The following DDX18 variants were observed in gnomAD, a reference collection of about 807,000 sequenced individuals.
DDX18 encodes the protein ATP-dependent RNA helicase DDX18.
Under a neutral mutation model 73.5 loss-of-function variants are expected in DDX18, and 23 were observed. The observed-to-expected ratio is 0.31, with a 90% CI of 0.23 to 0.44. The LOEUF (loss-of-function observed/expected upper bound fraction) is 0.44, where lower values mean the gene tolerates loss of function less well. DDX18 is among the 20% of genes least tolerant of loss of function. The pLI is 1.00. For synonymous variants in DDX18, 268 were observed against 282.7 expected (o/e 0.95, Z 0.52); for missense variants, 753 against 792.9 (o/e 0.95, Z 0.60).
Position 117,824,694 on chromosome 2 carries a change from G to A in DDX18, c.1192G>A (p.Asp398Asn), listed in dbSNP as rs146439004. The A allele has an allele frequency of 4.1e-6, 6 of 1,477,714 alleles. No individual in the cohort carries two copies. The African/African-American group carries it at 8.6e-5, about 21-fold the overall frequency. 91.5% of individuals were successfully genotyped at this position (1,477,714 alleles called of 1,614,324 possible). A position where few individuals can be genotyped will look rare whatever the true frequency, so the allele number is the denominator to read the frequency against. ...TGATGATAAAGCGAATGCAACAGTG[G>A]ATGGTCTTGAACAGGTACTTTTTAT... ...VDDDKANATV[D>N]GLEQGYVVCP... The change falls in exon 8 of 14, where the codon GAT becomes AAT. Residue 398 changes from aspartate (D) to asparagine (N), a missense_variant. This residue lies in a region of DDX18 where 402 missense variants were observed against 419.4 expected (regional missense o/e 0.96). Coordinates refer to ENST00000263239, the MANE Select transcript of DDX18 (RefSeq NM_006773.4).
intron 7 of DDX18, among the ~76,000 whole-genome samples, chr2:117,823,736 G>C (rs900317431): frequency 6.6e-6 from 1 of 152,120 alleles, no homozygotes; most frequent in Non-Finnish European, 1.5e-5. Context: ...TCTGATCTTA[G>C]GGGAAAGCAT....
chr2:117,821,109 CT>C lies in DDX18; in HGVS notation c.515-46del, dbSNP rs1335941642. ...ATAGATTTAGGCAACTGTAGCAATA[CT>C]TTTTTAAAAAAAAAGATAAATTTGC... On this transcript the variant is annotated intron_variant, in intron 3 of 13. Transcript: ENST00000263239. 3.7e-6 allele frequency: 5 copies of C among 1,357,484 alleles called. No individual in the cohort carries two copies. In the South Asian group the frequency reaches 4.7e-5, roughly 13 times the overall value. 84.1% of individuals were successfully genotyped at this position (1,357,484 alleles called of 1,614,324 possible).
At chr2:117,822,816 C>T (rs1482099362) in intron 7 of DDX18, 1 of 154,368 alleles carries the variant, frequency 6.5e-6, no homozygotes, top group Admixed American at 6.4e-5. Flanking sequence ...CTCCCTCCCA[C>T]CCCTCCTTAC....
intron 12 of DDX18, 54 bp from the exon 13 acceptor site, chr2:117,829,235 T>C: frequency 6.6e-7 from 1 of 1,522,076 alleles, no homozygotes. Flanking sequence ...TCTGGTGTTT[T>C]GGAGGTTTTT....
Position 117,831,285 on chromosome 2 carries a change from C to T in DDX18, c.*561C>T, listed in dbSNP as rs575780503. The stretch of plus-strand genomic sequence containing the variant: ...AAGAAGCACCTTAAGATTAGGGTGG[C>T]ATTGCTTTTATAGATTCTTGATTTT... On this transcript the variant is annotated 3_prime_UTR_variant, in exon 14 of 14. Coordinates refer to ENST00000263239, the MANE Select transcript of DDX18 (RefSeq NM_006773.4). The T allele has an allele frequency of 3.9e-5, 6 of 152,314 alleles. No homozygotes were observed. The East Asian group carries it at 1.2e-3, about 29-fold the overall frequency. The allele number at this position is 152,314 out of a possible 1,614,324, so 9.4% of individuals were successfully genotyped here.
At chr2:117,817,754 C>T (rs1475960634) in intron 2 of DDX18, 26 bp downstream of exon 2, 5 of 1,569,586 alleles carry the variant, frequency 3.2e-6, no homozygotes, top group East Asian at 4.5e-5. Flanking sequence ...CTTTGAACTT[C>T]AGCCATTTAG....
In DDX18 at chr2:117,816,854, C is replaced by T. The variant is rs140995180; in HGVS notation, c.86-590C>T. 2.9e-3 allele frequency among the ~76,000 whole-genome samples: 438 copies of T among 152,254 alleles called. 1 individual carries two copies. The highest frequency in any genetic ancestry group is 4.7e-3 in the Non-Finnish European group (323 of 68,024). ...ACTAGGTGATAGGAATTTTTTAGCT[C>T]CGTTATAATCTTATGGAGCCACTGT... is the stretch of plus-strand genomic sequence containing the variant. On this transcript the variant is annotated intron_variant, in intron 1 of 13. Coordinates refer to ENST00000263239, the MANE Select transcript of DDX18 (RefSeq NM_006773.4).
At chr2:117,830,009 A>G (rs953190996) in intron 13 of DDX18, among the ~76,000 whole-genome samples, 1 of 152,210 alleles carries the variant, frequency 6.6e-6, no homozygotes, top group African/African-American at 2.4e-5. Context: ...GTGATTTATA[A>G]TTTGTGCCTT....
chr2:117,826,352 G>A lies in DDX18; in HGVS notation c.1605G>A (p.Leu535=). 6.2e-7 allele frequency: 1 copy of A among 1,614,002 alleles called. No individual in the cohort carries two copies. ...TGCTCATTTTGCGCCCAGAAGAATT[G>A]GGTTTTCTTCGCTACTTGAAACAAT... ...HALLILRPEE[L]GFLRYLKQSK... Residue 535 remains leucine (L), a synonymous_variant, in exon 11 of 14, where the codon TTG becomes TTA. Transcript: ENST00000263239.
Position 117,821,676 on chromosome 2 carries a change from G to A in DDX18, c.677G>A (p.Gly226Asp), listed in dbSNP as rs267598847. The A allele has an allele frequency of 6.2e-7, 1 of 1,613,930 alleles. No homozygotes were observed. Among genetic ancestry groups the A allele is most frequent in the Non-Finnish European group, 8.5e-7 (1 of 1,179,906 alleles). ...GRDLLAAAKT[G>D]SGKTLAFLIP... ...GATCTTCTAGCAGCTGCAAAAACAG[G>A]CAGTGGTAAAACCCTGGCTTTTCTC... The change falls in exon 5 of 14, where the codon GGC becomes GAC. Residue 226 changes from glycine to aspartate, a missense_variant. By Grantham distance (94) the Gly-to-Asp change is moderately conservative (BLOSUM62 -1). Coordinates refer to ENST00000263239, the MANE Select transcript of DDX18 (RefSeq NM_006773.4).
chr2:117,821,597 C>T lies in DDX18; in HGVS notation c.651-53C>T, dbSNP rs150262818. 1,062 of 1,585,282 alleles carry T rather than the reference C, an allele frequency of 6.7e-4. 6 individuals carry two copies. The African/African-American group carries it at 9.8e-3, about 15-fold the overall frequency. On this transcript the variant is annotated intron_variant, in intron 4 of 13. Coordinates refer to ENST00000263239, the MANE Select transcript of DDX18 (RefSeq NM_006773.4). ...GTGCCTAAGGTGTGTGTATGTAGTA[C>T]GTCGTAAATGAGTAGGCTAAATGTC...
chr2:117,825,545 A>C lies in DDX18; in HGVS notation c.1467A>C (p.Leu489=). 1 of 1,614,220 alleles carries C rather than the reference A, an allele frequency of 6.2e-7. No homozygotes were observed. The highest frequency in any genetic ancestry group is 8.5e-7 in the Non-Finnish European group (1 of 1,180,028). The change falls in exon 10 of 14, where the codon CTA becomes CTC. Residue 489 remains leucine, a synonymous_variant. Coordinates refer to ENST00000263239, the MANE Select transcript of DDX18 (RefSeq NM_006773.4). ...LLCTDVAARG[L]DIPEVDWIVQ... is the part of the protein sequence containing the mutation. ...GTACGGATGTGGCAGCGAGAGGACT[A>C]GACATTCCTGAAGTCGACTGGATTG... is the stretch of plus-strand genomic sequence containing the variant.
chr2:117,823,592 A>G (rs543873578), intron 7 of DDX18, among the ~76,000 whole-genome samples: 3 of 152,252 alleles, frequency 2.0e-5, no homozygotes, highest in South Asian at 2.1e-4. Flanking sequence ...TGGATTTTCT[A>G]TATAGGCAAT....
rs1192119357 is a variant in DDX18, at chr2:117,814,720, C to T, written c.-58C>T. The T allele has an allele frequency of 5.1e-6, 8 of 1,566,186 alleles. No homozygotes were observed. Among genetic ancestry groups the T allele is most frequent in the East Asian group, 2.3e-5 (1 of 43,906 alleles). ...GCGGCCGGAAGGGAAGTAACGTCAG[C>T]CTGAGAACTGAGTAGCTGTACTGTG... On this transcript the variant is annotated 5_prime_UTR_variant, in exon 1 of 14. Coordinates refer to ENST00000263239, the MANE Select transcript of DDX18 (RefSeq NM_006773.4).
At chr2:117,824,513 G>A in intron 7 of DDX18, 56 bp from the exon 8 acceptor site, 1 of 1,312,582 alleles carries the variant, frequency 7.6e-7, no homozygotes, top group East Asian at 2.8e-5. Context: ...TAGTTGTGAG[G>A]CAATTGTAAA....
rs753805519 is a variant in DDX18, at chr2:117,822,087, T to G, written c.951+26T>G. ...GTAAGAGATGTAGTGCTTGTCTCAT[T>G]GTCTTGTATGAAACATAAACTGACA... On this transcript the variant is annotated intron_variant, in intron 6 of 13. Transcript: ENST00000263239. 6 of 1,613,806 alleles carry G rather than the reference T, an allele frequency of 3.7e-6. 1 individual carries two copies. In the South Asian group the frequency reaches 6.6e-5, roughly 18 times the overall value.
intron 1 of DDX18, among the ~76,000 whole-genome samples, chr2:117,817,190 T>G (rs895323673): frequency 2.6e-5 from 4 of 152,234 alleles, no homozygotes. Flanking sequence ...CTAGACTCCT[T>G]AAAGTCAGAT....
chr2:117,821,016 T>C (rs192728547), intron 3 of DDX18, 145 bp from the exon 4 acceptor site: 138 of 735,252 alleles, frequency 1.9e-4, no homozygotes, highest in Non-Finnish European at 6.0e-5. Context: ...GGTCTTTTTC[T>C]TGATATTATC....
At chr2:117,818,847 A>G (rs1435304167) in intron 2 of DDX18, among the ~76,000 whole-genome samples, 3 of 152,148 alleles carry the variant, frequency 2.0e-5, no homozygotes, top group East Asian at 1.9e-4. Flanking sequence ...TTTAGGAACT[A>G]TTCCAGGGAA....
Sources: allele counts gnomAD v4.1 joint callset (sites outside exome capture counted in the v4.1 genomes callset), GRCh38; gene constraint gnomAD v4.1.1; regional missense constraint gnomAD v4.1.1; transcripts MANE v1.5; gene names NCBI Gene and HGNC (gene_info 2026-07-23, HGNC 2026-07-21).